The following CHST9 variants were observed in gnomAD, a reference collection of about 807,000 sequenced individuals.
The protein encoded by CHST9 is carbohydrate sulfotransferase 9.
CHST9 carries 41 observed loss-of-function variants against 44.4 expected under a neutral mutation model. The ratio of observed to expected loss-of-function variants is 0.92; its 90% CI spans 0.72 to 1.20. CHST9 has a LOEUF of 1.20. Among genes scored for constraint, CHST9 ranks in the 50% most tolerant of loss-of-function variants. The pLI is 0.00. For missense variants in CHST9, 504 were observed against 516.5 expected, an observed-to-expected ratio of 0.98 and a Z score of 0.23; for synonymous variants, 171 against 178.4, an observed-to-expected ratio of 0.96 and a Z score of 0.33.
At chr18:27,046,442 G>A (rs1167187658) in intron 3 of CHST9, among the ~76,000 whole-genome samples, 1 of 151,866 alleles carries the variant, frequency 6.6e-6, no homozygotes, top group Non-Finnish European at 1.5e-5. Context: ...ACCTAATATT[G>A]GTCTTTCTTA....
chr18:27,122,043 T>C (rs576857556), intron 2 of CHST9, among the ~76,000 whole-genome samples: 1 of 152,264 alleles, frequency 6.6e-6, no homozygotes, highest in South Asian at 2.1e-4. Context: ...AGGCTGTCTC[T>C]CTCTAACAAC....
At position 27,017,208 on chromosome 18, in the gene CHST9, C is replaced by T. The variant is rs551705732; in HGVS notation, c.202+6908G>A. ...TCACAAATTATTGGGATATTAAATG[C>T]ATTTTCAACATAACGATATTTCTGA... On this transcript the variant is annotated intron_variant, in intron 4 of 5. Coordinates refer to ENST00000618847, the MANE Select transcript of CHST9 (RefSeq NM_031422.6). Among the ~76,000 whole-genome samples, 13 of 152,236 alleles carry T rather than the reference C, an allele frequency of 8.5e-5. No homozygotes were observed. In the South Asian group the frequency reaches 2.7e-3, roughly 32 times the overall value.
At chr18:27,122,416 G>A (rs1438810057) in intron 2 of CHST9, among the ~76,000 whole-genome samples, 2 of 152,160 alleles carry the variant, frequency 1.3e-5, no homozygotes, top group Non-Finnish European at 1.5e-5. Context: ...AATACAAATC[G>A]GAATAGGGTT....
intron 2 of CHST9, among the ~76,000 whole-genome samples, chr18:27,057,773 G>A (rs1057002797): frequency 3.3e-5 from 5 of 152,260 alleles, no homozygotes; most frequent in African/African-American, 7.2e-5. Context: ...CCGGCATAGC[G>A]TGGAGAAAGC....
In CHST9 at chr18:27,053,527, C is replaced by A. The variant is rs79019260; in HGVS notation, c.122-5024G>T. On this transcript the variant is annotated intron_variant, in intron 2 of 5. Coordinates refer to ENST00000618847, the MANE Select transcript of CHST9 (RefSeq NM_031422.6). ...AGACATATCTTCTCCTTTCTCACTG[C>A]CATCACCCTAGTTCATGAACTTTAT... Among the ~76,000 whole-genome samples the A allele has an allele frequency of 4.5e-3, 681 of 152,222 alleles. 6 individuals are homozygous for A. The highest frequency in any genetic ancestry group is 7.5e-3 in the Non-Finnish European group (507 of 68,010).
At chr18:26,925,332 T>C (rs1180353766) in intron 5 of CHST9, among the ~76,000 whole-genome samples, 1 of 152,096 alleles carries the variant, frequency 6.6e-6, no homozygotes, top group Non-Finnish European at 1.5e-5. Context: ...GCTGGTTTAA[T>C]CACTGCATCA....
At chr18:27,129,272 A>C (rs1012403214) in intron 2 of CHST9, among the ~76,000 whole-genome samples, 2 of 152,150 alleles carry the variant, frequency 1.3e-5, no homozygotes, top group South Asian at 2.1e-4. Context: ...TTTTATTTTC[A>C]AGTTTTATAC....
At chr18:27,092,806 G>A (rs1243694769) in intron 2 of CHST9, among the ~76,000 whole-genome samples, 1 of 152,196 alleles carries the variant, frequency 6.6e-6, no homozygotes, top group African/African-American at 2.4e-5. Context: ...TGTGGTCTGA[G>A]AGACAGTTTG....
intron 1 of CHST9, among the ~76,000 whole-genome samples, chr18:27,158,814 G>A (rs1230474886): frequency 1.3e-5 from 2 of 151,650 alleles, no homozygotes; most frequent in Non-Finnish European, 1.5e-5. Context: ...GTGTGAGATG[G>A]TATCTCATTG....
chr18:27,147,060 AT>A (rs374261398), intron 1 of CHST9, among the ~76,000 whole-genome samples: 144 of 151,966 alleles, frequency 9.5e-4, no homozygotes, highest in African/African-American at 3.4e-3. Context: ...GCAGACATTT[AT>A]TTTTTTATTT....
At chr18:27,003,665 C>T (rs563793757) in intron 4 of CHST9, among the ~76,000 whole-genome samples, 1 of 152,156 alleles carries the variant, frequency 6.6e-6, no homozygotes, top group South Asian at 2.1e-4. Context: ...TTGTACTTTA[C>T]AACACCTGCA....
chr18:27,049,767 A>G (rs984292388), intron 2 of CHST9, among the ~76,000 whole-genome samples: 8 of 152,168 alleles, frequency 5.3e-5, no homozygotes, highest in African/African-American at 1.7e-4. Flanking sequence ...GCAAGTCTCA[A>G]TAAATTCAAA....
rs1253888700 is a variant in CHST9 at position 27,143,063 on chromosome 18, A to G, written c.-96-158T>C. 7 of 268,630 alleles carry G rather than the reference A, an allele frequency of 2.6e-5. No homozygotes were observed. The East Asian group carries it at 5.1e-4, about 20-fold the overall frequency. 16.6% of individuals were successfully genotyped at this position (268,630 alleles called of 1,614,324 possible). A position where few individuals can be genotyped will look rare whatever the true frequency, so the allele number is the denominator to read the frequency against. ...TGTAGTAGGTGTTCCTAGAATGGCA[A>G]TTTTCTATTGCATACTTTTATCTTA... is the stretch of plus-strand genomic sequence containing the variant. On this transcript the variant is annotated intron_variant, in intron 1 of 5. Coordinates refer to ENST00000618847, the MANE Select transcript of CHST9 (RefSeq NM_031422.6).
chr18:27,161,308 G>T (rs1435438956), intron 1 of CHST9, among the ~76,000 whole-genome samples: 2 of 152,148 alleles, frequency 1.3e-5, no homozygotes, highest in Admixed American at 6.5e-5. Flanking sequence ...CTGGTATGTT[G>T]TGTCTTTGTT....
chr18:27,039,619 C>G (rs2057424103), intron 3 of CHST9, among the ~76,000 whole-genome samples: 1 of 151,854 alleles, frequency 6.6e-6, no homozygotes, highest in South Asian at 2.1e-4. Flanking sequence ...GTACTTAATG[C>G]CACTGAACAT....
intron 4 of CHST9, among the ~76,000 whole-genome samples, chr18:26,995,298 C>T (rs374760815): frequency 2.7e-5 from 4 of 148,728 alleles, no homozygotes; most frequent in East Asian, 3.9e-4. Flanking sequence ...ATTAGCTGGG[C>T]GTGGTGGTGG....
chr18:26,998,641 A>G (rs1316375292), intron 4 of CHST9, among the ~76,000 whole-genome samples: 1 of 151,492 alleles, frequency 6.6e-6, no homozygotes, highest in Non-Finnish European at 1.5e-5. Context: ...CAGGAGAATC[A>G]CTTGAACCTG....
chr18:26,966,200 T>C (rs1358846660), intron 4 of CHST9, among the ~76,000 whole-genome samples: 1 of 152,234 alleles, frequency 6.6e-6, no homozygotes, highest in African/African-American at 2.4e-5. Flanking sequence ...TTTTCTGATG[T>C]ATTAAAAAGG....
intron 2 of CHST9, among the ~76,000 whole-genome samples, chr18:27,140,371 A>G (rs2058554836): frequency 6.6e-6 from 1 of 152,238 alleles, no homozygotes; most frequent in Non-Finnish European, 1.5e-5. Flanking sequence ...TAAGCTCTCC[A>G]TAAATGGTAG....
Sources: allele counts gnomAD v4.1 joint callset (sites outside exome capture counted in the v4.1 genomes callset), GRCh38; gene constraint gnomAD v4.1.1; transcripts MANE v1.5; gene names NCBI Gene and HGNC (gene_info 2026-07-23, HGNC 2026-07-21).